Variants in ACOT11 observed in about 807,000 individuals in gnomAD.
ACOT11 encodes acyl-CoA thioesterase 11.
ACOT11 carries 69 observed loss-of-function variants against 77.5 expected under a neutral mutation model. That is an observed-to-expected ratio of 0.89 (90% CI 0.73 to 1.09). ACOT11 has a LOEUF of 1.09. Among genes scored for constraint, ACOT11 ranks in the 50% least tolerant of loss-of-function variants. ACOT11 has a pLI of 0.00. For synonymous variants in ACOT11, 279 were observed against 313.0 expected, an observed-to-expected ratio of 0.89 and a Z score of 1.15; for missense variants, 766 against 813.7, an observed-to-expected ratio of 0.94 and a Z score of 0.71.
intron 4 of ACOT11, 32 bp from the exon 5 acceptor site, chr1:54,593,909 C>T: frequency 6.3e-7 from 1 of 1,592,654 alleles, no homozygotes; most frequent in Non-Finnish European, 8.6e-7. Context: ...AATGTTGTTC[C>T]TCATTCCTTC....
At chr1:54,550,228 C>T (rs185498283) in intron 1 of ACOT11, among the ~76,000 whole-genome samples, 3 of 152,194 alleles carry the variant, frequency 2.0e-5, no homozygotes, top group Admixed American at 6.5e-5. Context: ...CCAACCCACA[C>T]GTCCTGACTC....
In ACOT11 at chr1:54,624,219, G is replaced by A. The variant is rs561216161; in HGVS notation, c.1630-6515G>A. Among the ~76,000 whole-genome samples the A allele has an allele frequency of 4.6e-5, 7 of 152,122 alleles. No homozygotes were observed. In the South Asian group the frequency reaches 1.0e-3, roughly 23 times the overall value. On this transcript the variant is annotated intron_variant, in intron 15 of 16. Transcript: ENST00000371316. ...CTGTAATGTGCACAGAGACTTCAGC[G>A]TCTACACATTGGGGCTCACAGAGAG... is the stretch of plus-strand genomic sequence containing the variant.
At chr1:54,572,332 C>T (rs955805160) in intron 1 of ACOT11, among the ~76,000 whole-genome samples, 3 of 152,104 alleles carry the variant, frequency 2.0e-5, no homozygotes, top group African/African-American at 7.2e-5. Context: ...GAGTTGCTTG[C>T]AGGATGGTAG....
At chr1:54,627,641 C>G (rs754964221) in intron 15 of ACOT11, among the ~76,000 whole-genome samples, 1 of 134,706 alleles carries the variant, frequency 7.4e-6, no homozygotes, top group Non-Finnish European at 1.7e-5. Flanking sequence ...ATCAAAAACA[C>G]AGAGCAGGCT....
At chr1:54,596,173 G>A (rs1319823830) in intron 6 of ACOT11, among the ~76,000 whole-genome samples, 2 of 151,992 alleles carry the variant, frequency 1.3e-5, no homozygotes, top group East Asian at 3.9e-4. Context: ...ACCTGCTGCA[G>A]CTCCTGTTAA....
rs767625864 is a variant in ACOT11 at position 54,620,845 on chromosome 1, C to CAAAAAAAAAAAAA, written c.1630-9869_1630-9857dup. Reference sequence around the variant, plus strand: ...CCTGGATGACACAAAGAGACTCTGTCAAAAAAAAAAAAAAAAAAAAAAAAA... The same window carrying CAAAAAAAAAAAAA: ...CCTGGATGACACAAAGAGACTCTGTCAAAAAAAAAAAAAAAAAAAAAAAAAAAAAAAAAAAAAA... On this transcript the variant is annotated intron_variant, in intron 15 of 16. Coordinates refer to the ACOT11 transcript ENST00000371316. 9.1e-4 allele frequency among the ~76,000 whole-genome samples: 11 copies of CAAAAAAAAAAAAA among 12,132 alleles called. 2 individuals are homozygous for CAAAAAAAAAAAAA. The highest frequency in any genetic ancestry group is 1.5e-3 in the Non-Finnish European group (10 of 6,668). 8.0% of individuals were successfully genotyped at this position (12,132 alleles called of 152,430 possible).
intron 1 of ACOT11, among the ~76,000 whole-genome samples, chr1:54,553,184 A>T (rs951118544): frequency 2.6e-5 from 4 of 152,064 alleles, no homozygotes; most frequent in Non-Finnish European, 5.9e-5. Flanking sequence ...TTATTTTAAT[A>T]TGCATAGCAT....
intron 1 of ACOT11, among the ~76,000 whole-genome samples, chr1:54,555,046 C>T (rs1569635612): frequency 6.6e-6 from 1 of 152,202 alleles, no homozygotes; most frequent in African/African-American, 2.4e-5. Context: ...GCAACCTCCG[C>T]CTCCCGGGTT....
chr1:54,579,439 G>T (rs1428412456), intron 1 of ACOT11, among the ~76,000 whole-genome samples: 1 of 151,982 alleles, frequency 6.6e-6, no homozygotes, highest in Non-Finnish European at 1.5e-5. Context: ...GCAGGGAATA[G>T]GCCAAAAGAG....
chr1:54,558,953 T>C (rs1188783182), intron 1 of ACOT11, among the ~76,000 whole-genome samples: 1 of 152,180 alleles, frequency 6.6e-6, no homozygotes, highest in Non-Finnish European at 1.5e-5. Flanking sequence ...ATCATCATGG[T>C]TCCCCTTCTT....
intron 3 of ACOT11, 31 bp downstream of exon 3, chr1:54,585,935 TG>T: frequency 2.5e-6 from 4 of 1,610,780 alleles, no homozygotes; most frequent in Non-Finnish European, 3.4e-6. Context: ...CAAGGTCCTC[TG>T]GGCTCCCTCC....
intron 15 of ACOT11, among the ~76,000 whole-genome samples, chr1:54,615,429 C>G (rs1461390127): frequency 6.6e-6 from 1 of 152,098 alleles, no homozygotes; most frequent in African/African-American, 2.4e-5. Flanking sequence ...CATGACAAAA[C>G]TGGTGTTTTG....
chr1:54,582,294 C>T (rs1418075426), intron 1 of ACOT11: 3 of 265,190 alleles, frequency 1.1e-5, no homozygotes, highest in Non-Finnish European at 1.7e-5. Context: ...TGCTCAGGAT[C>T]ACACAGCACT....
chr1:54,599,453 G>A, intron 8 of ACOT11, 38 bp downstream of exon 8: 1 of 1,545,776 alleles, frequency 6.5e-7, no homozygotes, highest in Non-Finnish European at 8.8e-7. Context: ...GTCCATTCAG[G>A]GCTGAGGGCT....
intron 1 of ACOT11, among the ~76,000 whole-genome samples, chr1:54,562,585 G>A (rs1352861230): frequency 2.0e-5 from 3 of 148,338 alleles, no homozygotes; most frequent in African/African-American, 5.0e-5. Flanking sequence ...TGGCTGCCGG[G>A]CGGAGAGGCT....
chr1:54,620,133 G>T, intron 15 of ACOT11: 1 of 1,027,804 alleles, frequency 9.7e-7, no homozygotes, highest in Non-Finnish European at 1.4e-6. Flanking sequence ...GAGGGACGGT[G>T]AGGCTCAGAC....
intron 6 of ACOT11, 60 bp from the exon 7 acceptor site, chr1:54,597,199 G>A: frequency 1.3e-6 from 2 of 1,597,110 alleles, no homozygotes; most frequent in Non-Finnish European, 8.5e-7. Context: ...TGTGGGGAGG[G>A]GCTGCCCTTG....
chr1:54,612,578 T>G (rs1361419439), downstream of ACOT11: 3 of 1,614,082 alleles, frequency 1.9e-6, no homozygotes, highest in Non-Finnish European at 2.5e-6. Context: ...GGGGCACTCC[T>G]CCCACCAGCT....
chr1:54,563,971 C>T (rs2100951924), intron 1 of ACOT11, among the ~76,000 whole-genome samples: 1 of 151,580 alleles, frequency 6.6e-6, no homozygotes, highest in East Asian at 1.9e-4. Flanking sequence ...GAGGCTGAGG[C>T]AGGAGAATCG....
Sources: gnomAD v4.1 joint callset for allele counts (sites outside exome capture counted in the v4.1 genomes callset) on GRCh38, gnomAD v4.1.1 for gene constraint, MANE v1.5 for transcripts, NCBI Gene and HGNC (gene_info 2026-07-23, HGNC 2026-07-21) for gene names.